The following USP34 variants were observed in gnomAD, a reference collection of about 807,000 sequenced individuals.
USP34 encodes ubiquitin carboxyl-terminal hydrolase 34.
USP34 carries 70 observed loss-of-function variants against 460.3 expected under a neutral mutation model. The ratio of observed to expected loss-of-function variants is 0.15; its 90% confidence interval spans 0.13 to 0.19. The LOEUF (loss-of-function observed/expected upper bound fraction) is 0.19. Among genes scored for constraint, USP34 ranks in the 10% least tolerant of loss-of-function variants. The pLI is 1.00. For missense variants in USP34, 3,985 were observed against 4,236.2 expected, an observed-to-expected ratio of 0.94 and a Z score of 1.65; for synonymous variants, 1,647 against 1,405.3, an observed-to-expected ratio of 1.17 and a Z score of -3.85.
At chr2:61,325,308 C>T (rs1691052409) in intron 21 of USP34, 67 bp downstream of exon 21, 2 of 1,058,484 alleles carry the variant, frequency 1.9e-6, no homozygotes. Flanking sequence ...AAATCAGAAG[C>T]AAAAGTAAAT....
intron 5 of USP34, among the ~76,000 whole-genome samples, chr2:61,393,048 T>A (rs1394484511): frequency 6.6e-6 from 1 of 152,356 alleles, no homozygotes; most frequent in South Asian, 2.1e-4. Flanking sequence ...TGTTACATTA[T>A]GAGTTTAAAA....
chr2:61,251,855 A>C (rs1420206142), intron 48 of USP34, among the ~76,000 whole-genome samples: 1 of 152,114 alleles, frequency 6.6e-6, no homozygotes, highest in Non-Finnish European at 1.5e-5. Context: ...TTCTTTCTAC[A>C]GCATCCTTGT....
intron 74 of USP34, among the ~76,000 whole-genome samples, 184 bp downstream of exon 74, chr2:61,204,072 T>C (rs1196868636): frequency 6.6e-6 from 1 of 152,222 alleles, no homozygotes. Context: ...GTGCTTATTG[T>C]TGATTTTTGC....
At chr2:61,274,245 C>T (rs1689306178) in intron 41 of USP34, among the ~76,000 whole-genome samples, 1 of 151,750 alleles carries the variant, frequency 6.6e-6, no homozygotes, top group Non-Finnish European at 1.5e-5. Flanking sequence ...CAAAATTTAG[C>T]CAGGCATGGT....
intron 34 of USP34, among the ~76,000 whole-genome samples, chr2:61,286,515 G>T (rs6545853): frequency 6.6e-6 from 1 of 151,812 alleles, no homozygotes; most frequent in African/African-American, 2.4e-5. Context: ...AATTAGCCAC[G>T]CATGGTGGCG....
At chr2:61,383,178 T>C (rs947494335) in intron 6 of USP34, 91 bp downstream of exon 6, 18 of 880,068 alleles carry the variant, frequency 2.0e-5, no homozygotes, top group Admixed American at 9.2e-5. Context: ...GATATGACTA[T>C]AGGGGACTTT....
chr2:61,372,031 A>C (rs1692643735), intron 8 of USP34, among the ~76,000 whole-genome samples: 1 of 152,220 alleles, frequency 6.6e-6, no homozygotes, highest in African/African-American at 2.4e-5. Flanking sequence ...CCTGTCATTA[A>C]GTACCATATG....
intron 5 of USP34, among the ~76,000 whole-genome samples, chr2:61,385,079 GTTCTT>G (rs1558562936): frequency 6.6e-6 from 1 of 151,890 alleles, no homozygotes; most frequent in Non-Finnish European, 1.5e-5. Flanking sequence ...CCCTATATAT[GTTCTT>G]TTCTTATTAT....
intron 2 of USP34, among the ~76,000 whole-genome samples, chr2:61,410,475 T>C (rs1229497055): frequency 6.6e-6 from 1 of 152,226 alleles, no homozygotes; most frequent in African/African-American, 2.4e-5. Flanking sequence ...CTTCAGCTCC[T>C]GCTGTGTGGC....
At chr2:61,343,772 G>T in intron 16 of USP34, 43 bp downstream of exon 16, 1 of 1,564,072 alleles carries the variant, frequency 6.4e-7, no homozygotes, top group Non-Finnish European at 8.8e-7. Flanking sequence ...AATTATTCCT[G>T]TTGTGAAGAA....
At chr2:61,359,566 C>A (rs1322816004) in intron 10 of USP34, among the ~76,000 whole-genome samples, 8 of 151,918 alleles carry the variant, frequency 5.3e-5, no homozygotes. Context: ...CAAAAATAGT[C>A]AACAACAACA....
rs1690688730 is a variant in USP34, at chr2:61,314,672, C to T, written c.3455G>A (p.Ser1152Asn). 1.2e-6 allele frequency: 2 copies of T among 1,603,548 alleles called. No individual in the cohort carries two copies. The highest frequency in any genetic ancestry group is 1.3e-5 in the African/African-American group (1 of 74,310). ...ACTTGAGTGTGATTCCTGTTCAAGA[C>T]TGCTAGAAGCTATCATAAGACTCTC... ...CMESLMIASS[S>N]LEQESHSSLM... The change falls in exon 25 of 80, where the codon AGT (serine) becomes AAT (asparagine). Residue 1152 changes from serine to asparagine, a missense_variant. Ser to Asn is a conservative substitution (Grantham distance 46). Around this residue, in one of 14 missense-constraint regions of USP34, gnomAD observed 1,114 missense variants for 1,122.5 expected, o/e 0.99. Transcript: ENST00000398571.
rs1452864809 is a variant in USP34 at position 61,220,476 on chromosome 2, G to A, written c.7900-19C>T. On this transcript the variant is annotated intron_variant, in intron 66 of 79. Transcript: ENST00000398571. ...CAATCACCTACAAATAACATGACAA[G>A]AACAGAATATAAGGCCAACTGAATG... is the stretch of plus-strand genomic sequence containing the variant. 1.3e-6 allele frequency: 2 copies of A among 1,591,268 alleles called. No individual in the cohort carries two copies. The highest frequency in any genetic ancestry group is 4.6e-5 in the East Asian group (2 of 43,694).
At chr2:61,292,301 G>C (rs981440017) in intron 33 of USP34, among the ~76,000 whole-genome samples, 1 of 152,064 alleles carries the variant, frequency 6.6e-6, no homozygotes, top group Non-Finnish European at 1.5e-5. Flanking sequence ...ATAATATTAA[G>C]AGAGATGCAC....
chr2:61,382,201 T>TA (rs895171640), intron 6 of USP34, among the ~76,000 whole-genome samples: 6 of 152,138 alleles, frequency 3.9e-5, no homozygotes, highest in Non-Finnish European at 7.4e-5. Context: ...ATAAAACTTT[T>TA]AAAAAATCAT....
In USP34 at chr2:61,347,990, C is replaced by A. The variant is rs1558542138; in HGVS notation, c.2165G>T (p.Cys722Phe). Residue 722 changes from cysteine (C) to phenylalanine (F), a missense_variant, in exon 15 of 80, where the codon TGT becomes TTT. Around this residue, in one of 14 missense-constraint regions of USP34, gnomAD observed 716 missense variants for 626.2 expected, o/e 1.14. Coordinates refer to ENST00000398571, the MANE Select transcript of USP34 (RefSeq NM_014709.4). The stretch of plus-strand genomic sequence containing the variant: ...AAGGAAGTCCCCAGTTCGTGTGATA[C>A]AAGACTCCTGAGACCCTTGTGCTAT... ...THIAQGSQES[C>F]ITRTGDFLGE... 1 of 1,614,130 alleles carries A rather than the reference C, an allele frequency of 6.2e-7. No homozygotes were observed.
At chr2:61,279,849 G>A (rs1689482896) in intron 39 of USP34, among the ~76,000 whole-genome samples, 1 of 152,178 alleles carries the variant, frequency 6.6e-6, no homozygotes, top group South Asian at 2.1e-4. Context: ...TGCAAAAACT[G>A]ACAGTGTTTC....
chr2:61,260,416 G>C lies in USP34; in HGVS notation c.5779-640C>G, dbSNP rs1475107990. Reference sequence around the variant, plus strand: ...TCAAGTATTAAAATGAATCTATAAAGTAGGTATTATTCTTATTACAAATTA... The same window carrying C: ...TCAAGTATTAAAATGAATCTATAAACTAGGTATTATTCTTATTACAAATTA... On this transcript the variant is annotated intron_variant, in intron 43 of 79. Transcript: ENST00000398571. 3.3e-5 allele frequency among the ~76,000 whole-genome samples: 5 copies of C among 152,222 alleles called. No homozygotes were observed. The South Asian group carries it at 6.2e-4, about 19-fold the overall frequency.
chr2:61,417,140 C>A (rs1323169393), intron 2 of USP34: 3 of 1,575,560 alleles, frequency 1.9e-6, no homozygotes, highest in South Asian at 1.1e-5. Context: ...CCAATGTGAA[C>A]CCTGGCCACA....
Sources: allele counts gnomAD v4.1 joint callset (sites outside exome capture counted in the v4.1 genomes callset), GRCh38; gene constraint gnomAD v4.1.1; regional missense constraint gnomAD v4.1.1; transcripts MANE v1.5; gene names NCBI Gene and HGNC (gene_info 2026-07-23, HGNC 2026-07-21).